The following SIRT3 variants were observed in gnomAD, a reference collection of about 807,000 sequenced individuals.
The protein encoded by SIRT3 is sirtuin 3.
Under a neutral mutation model 33.5 loss-of-function variants are expected in SIRT3, and 26 were observed. That is an observed-to-expected ratio of 0.78 (90% CI 0.57 to 1.08). SIRT3 has a LOEUF of 1.08. Ranked by LOEUF, SIRT3 falls within the 50% of genes least tolerant of loss-of-function variation. The pLI is 0.00. For missense variants in SIRT3, 585 were observed against 530.1 expected, an observed-to-expected ratio of 1.10 and a Z score of -1.02; for synonymous variants, 237 against 222.1, an observed-to-expected ratio of 1.07 and a Z score of -0.60.
chr11:232,603 C>T (rs1320352774), intron 3 of SIRT3, among the ~76,000 whole-genome samples: 2 of 152,018 alleles, frequency 1.3e-5, no homozygotes, highest in South Asian at 2.1e-4. Flanking sequence ...CAGGACGGTT[C>T]GTTACATTGC....
chr11:233,140 T>A lies in SIRT3; in HGVS notation c.549A>T (p.Pro183=). The A allele has an allele frequency of 6.2e-7, 1 of 1,614,074 alleles. No homozygotes were observed. Among genetic ancestry groups the A allele is most frequent in the South Asian group, 1.1e-5 (1 of 91,074 alleles). The change falls in exon 3 of 7, where the codon CCA becomes CCT. Residue 183 remains proline (P), a synonymous_variant. Transcript: ENST00000382743. ...LPYPEAIFEL[P]FFFHNPKPFF... ...AGGGCTTGGGGTTGTGAAAGAAGAA[T>A]GGGAGTTCAAAAATGGCCTCGGGGT... is the stretch of plus-strand genomic sequence containing the variant.
chr11:235,988 A>C lies in SIRT3; in HGVS notation c.281+60T>G, dbSNP rs963515763. 22 of 1,404,280 alleles carry C rather than the reference A, an allele frequency of 1.6e-5. No homozygotes were observed. In the African/African-American group the frequency reaches 2.7e-4, roughly 17 times the overall value. 87.0% of individuals were successfully genotyped at this position (1,404,280 alleles called of 1,614,324 possible). On this transcript the variant is annotated intron_variant, in intron 1 of 6. Transcript: ENST00000382743. ...GCAAAGGAAACACGGCAAGGTGAGA[A>C]AGAGTGGGCGAGGTGTCGACAACGA...
At chr11:236,021 A>G in intron 1 of SIRT3, 27 bp downstream of exon 1, 1 of 1,462,960 alleles carries the variant, frequency 6.8e-7, no homozygotes, top group Non-Finnish European at 9.0e-7. Context: ...CGAACACGCA[A>G]GAAGTGCTTG....
chr11:230,712 T>G (rs572583416), intron 3 of SIRT3, 160 bp from the exon 4 acceptor site: 1 of 411,670 alleles, frequency 2.4e-6, no homozygotes, highest in East Asian at 3.6e-5. Context: ...ATCACCTACA[T>G]GCGCCATCAA....
intron 5 of SIRT3, among the ~76,000 whole-genome samples, chr11:219,762 G>A (rs1234725623): frequency 1.3e-5 from 2 of 152,112 alleles, no homozygotes; most frequent in African/African-American, 4.8e-5. Flanking sequence ...AGAAAACTAA[G>A]GATTTACAAG....
At position 223,628 on chromosome 11, in the gene SIRT3, C is replaced by G; in HGVS notation, c.969+450G>C. On this transcript the variant is annotated intron_variant, in intron 5 of 6. Coordinates refer to ENST00000382743, the MANE Select transcript of SIRT3 (RefSeq NM_012239.6). The surrounding 1 kb of genome is among the most constrained non-coding windows in gnomAD (Gnocchi z 4.8). ...ACCTCGCCCCCACACCCCCATCCTT[C>G]TCCCTTCTCCTCACACGTGGTGCCC... The G allele has an allele frequency of 2.3e-6, 1 of 435,934 alleles. No individual in the cohort carries two copies. Among genetic ancestry groups the G allele is most frequent in the Non-Finnish European group, 4.4e-6 (1 of 229,006 alleles). The allele number at this position is 435,934 out of a possible 1,614,324, so 27.0% of individuals were successfully genotyped here. A position where few individuals can be genotyped will look rare whatever the true frequency, so the allele number is the denominator to read the frequency against.
At chr11:218,222 G>A (rs1001941416) in intron 6 of SIRT3, among the ~76,000 whole-genome samples, 1 of 152,194 alleles carries the variant, frequency 6.6e-6, no homozygotes, top group African/African-American at 2.4e-5. Context: ...GACTTTAAAT[G>A]CTTAATGCTA....
intron 4 of SIRT3, among the ~76,000 whole-genome samples, chr11:229,927 T>C (rs1257952049): frequency 6.6e-6 from 1 of 152,228 alleles, no homozygotes; most frequent in African/African-American, 2.4e-5. Flanking sequence ...CACCCATCCA[T>C]GTACAAACAA....
chr11:223,509 G>A lies in SIRT3; in HGVS notation c.969+569C>T. Reference sequence around the variant, plus strand: ...CAAAGGCCTCCCTGACCCCAAGGGTGCAGCTACGTCCCCGGGCCAGTCCCT... The same window carrying A: ...CAAAGGCCTCCCTGACCCCAAGGGTACAGCTACGTCCCCGGGCCAGTCCCT... On this transcript the variant is annotated intron_variant, in intron 5 of 6. Coordinates refer to ENST00000382743, the MANE Select transcript of SIRT3 (RefSeq NM_012239.6). The surrounding 1 kb of genome is among the most constrained non-coding windows in gnomAD (Gnocchi z 4.8). 3.0e-6 allele frequency: 1 copy of A among 338,976 alleles called. No homozygotes were observed. The highest frequency in any genetic ancestry group is 5.8e-6 in the Non-Finnish European group (1 of 172,202). The allele number at this position is 338,976 out of a possible 1,614,324, so 21.0% of individuals were successfully genotyped here. A position where few individuals can be genotyped will look rare whatever the true frequency, so the allele number is the denominator to read the frequency against.
chr11:219,202 T>G (rs145905941), intron 5 of SIRT3, among the ~76,000 whole-genome samples, 161 bp from the exon 6 acceptor site: 1 of 152,118 alleles, frequency 6.6e-6, no homozygotes, highest in South Asian at 2.1e-4. Flanking sequence ...TCAGCTGAGC[T>G]CCTGCCGCTT....
At chr11:232,366 G>GC (rs1248282963) in intron 3 of SIRT3, among the ~76,000 whole-genome samples, 1 of 152,048 alleles carries the variant, frequency 6.6e-6, no homozygotes, top group Non-Finnish European at 1.5e-5. Flanking sequence ...TGATCTACCT[G>GC]CCTCGGCCTC....
chr11:235,960 G>A, intron 1 of SIRT3, 88 bp downstream of exon 1: 1 of 1,370,400 alleles, frequency 7.3e-7, no homozygotes, highest in East Asian at 2.8e-5. Flanking sequence ...TCCCAGACAT[G>A]CCGCAAAGGA....
At chr11:218,607 T>C (rs539713155) in intron 6 of SIRT3, among the ~76,000 whole-genome samples, 2 of 152,352 alleles carry the variant, frequency 1.3e-5, no homozygotes, top group South Asian at 4.1e-4. Flanking sequence ...CCTGAGTGTC[T>C]GGACCGTGTC....
At chr11:224,511 C>T (rs911765850) in intron 4 of SIRT3, among the ~76,000 whole-genome samples, 2 of 152,166 alleles carry the variant, frequency 1.3e-5, no homozygotes, top group Admixed American at 6.5e-5. Flanking sequence ...AGGCATCTAG[C>T]GTATCTAACA....
At chr11:227,971 A>G (rs1857402857) in intron 4 of SIRT3, among the ~76,000 whole-genome samples, 1 of 152,150 alleles carries the variant, frequency 6.6e-6, no homozygotes, top group Non-Finnish European at 1.5e-5. Flanking sequence ...TTTCCTGCCT[A>G]AAAATCCTCC....
intron 3 of SIRT3, among the ~76,000 whole-genome samples, 197 bp downstream of exon 3, chr11:232,786 C>G (rs2133934659): frequency 6.6e-6 from 1 of 152,238 alleles, no homozygotes; most frequent in African/African-American, 2.4e-5. Context: ...AGGACATTTT[C>G]CTTGGGAACA....
intron 4 of SIRT3, among the ~76,000 whole-genome samples, chr11:227,283 CA>C (rs1857308574): frequency 6.6e-6 from 1 of 151,112 alleles, no homozygotes; most frequent in South Asian, 2.1e-4. Flanking sequence ...ACTAAAAATA[CA>C]AAAATTAGCT....
intron 6 of SIRT3, 79 bp from the exon 7 acceptor site, chr11:216,797 C>T: frequency 6.9e-7 from 1 of 1,456,266 alleles, no homozygotes. Context: ...TCAAACAGCT[C>T]TAGCTGCAGA....
chr11:216,917 G>A (rs1855731346), intron 6 of SIRT3, among the ~76,000 whole-genome samples, 199 bp from the exon 7 acceptor site: 1 of 152,210 alleles, frequency 6.6e-6, no homozygotes, highest in South Asian at 2.1e-4. Flanking sequence ...TAAATGGAGA[G>A]CCTCATTCTA....
Sources: gnomAD v4.1 joint callset for allele counts (sites outside exome capture counted in the v4.1 genomes callset) on GRCh38, gnomAD v4.1.1 for gene constraint, Gnocchi (gnomAD v3.1) non-coding constraint, MANE v1.5 for transcripts, NCBI Gene and HGNC (gene_info 2026-07-23, HGNC 2026-07-21) for gene names.